The following XIAP variants were observed in gnomAD, a reference collection of about 807,000 sequenced individuals.
XIAP encodes the protein E3 ubiquitin-protein ligase XIAP.
XIAP carries 3 observed loss-of-function variants against 33.1 expected under a neutral mutation model. The observed-to-expected ratio is 0.09, with a 90% CI of 0.04 to 0.23. The LOEUF (loss-of-function observed/expected upper bound fraction) is 0.23. Among genes scored for constraint, XIAP ranks in the 10% least tolerant of loss-of-function variants. XIAP has a pLI of 1.00. For synonymous variants in XIAP, 98 were observed against 121.3 expected, an observed-to-expected ratio of 0.81 and a Z score of 1.26; for missense variants, 264 against 363.0, an observed-to-expected ratio of 0.73 and a Z score of 2.22.
Position 123,899,684 on chromosome X carries a change from T to C in XIAP, c.1100-809T>C, listed in dbSNP as rs186669033. 4.6e-5 allele frequency among the ~76,000 whole-genome samples: 5 copies of C among 109,441 alleles called. No homozygotes were observed. The East Asian group carries it at 1.4e-3, about 31-fold the overall frequency. On this transcript the variant is annotated intron_variant, in intron 5 of 6. Coordinates refer to ENST00000371199, the MANE Select transcript of XIAP (RefSeq NM_001167.4). Reference sequence around the variant, plus strand: ...TTATGATTATGTTTTGCTCATTATATCTATGAGATCCATCCATATTGTCTG... The same window carrying C: ...TTATGATTATGTTTTGCTCATTATACCTATGAGATCCATCCATATTGTCTG...
chrX:123,873,813 A>G (rs1490283817), intron 1 of XIAP: 1 of 109,108 alleles, frequency 9.2e-6, no homozygotes, highest in Non-Finnish European at 1.9e-5. Flanking sequence ...ACACGCCTGT[A>G]ATCCCAGCTA....
intron 1 of XIAP, among the ~76,000 whole-genome samples, chrX:123,868,557 C>T (rs978254984): frequency 2.7e-5 from 3 of 110,634 alleles, no homozygotes; most frequent in Non-Finnish European, 3.8e-5. Context: ...TGGTAAAATG[C>T]TATCTCTACT....
In XIAP at chrX:123,860,075, TC is replaced by T; in HGVS notation, c.-250del. On this transcript the variant is annotated 5_prime_UTR_variant, in exon 1 of 7. Transcript: ENST00000371199. Reference sequence around the variant, plus strand: ...TTTGAGGCCCTGACGTGGACACACTTCGGGTTTCACGACTCCGGGTTTCTCC... The same window carrying T: ...TTTGAGGCCCTGACGTGGACACACTTGGGTTTCACGACTCCGGGTTTCTCC... 1 of 329,396 alleles carries T rather than the reference TC, an allele frequency of 3.0e-6. No individual in the cohort carries two copies. The allele number at this position is 329,396 out of a possible 1,213,427, so 27.1% of individuals were successfully genotyped here.
chrX:123,895,410 T>A (rs2053450814), intron 5 of XIAP, among the ~76,000 whole-genome samples: 1 of 112,466 alleles, frequency 8.9e-6, no homozygotes, highest in Admixed American at 9.5e-5. Flanking sequence ...TATGAACATT[T>A]GTGCATAAGT....
In XIAP at chrX:123,909,461, C is replaced by T. The variant is rs778271242; in HGVS notation, c.*2280C>T. The T allele has an allele frequency of 3.1e-5, 10 of 319,609 alleles. No individual in the cohort carries two copies. Among genetic ancestry groups the T allele is most frequent in the Non-Finnish European group, 5.4e-5 (9 of 166,678 alleles). 26.3% of individuals were successfully genotyped at this position (319,609 alleles called of 1,213,427 possible). ...CTTAGTTTGGTTATATAGTCATTAA[C>T]TTGAATTTGGTCTGTATAGTCTAGA... On this transcript the variant is annotated 3_prime_UTR_variant, in exon 7 of 7. Transcript: ENST00000371199.
chrX:123,902,503 G>T (rs2053522960), intron 6 of XIAP, among the ~76,000 whole-genome samples: 1 of 111,812 alleles, frequency 8.9e-6, no homozygotes, highest in African/African-American at 3.2e-5. Flanking sequence ...GCAGGTGAGG[G>T]TTATTAGAGA....
chrX:123,880,616 A>C (rs1296074909), intron 1 of XIAP, among the ~76,000 whole-genome samples: 1 of 107,356 alleles, frequency 9.3e-6, no homozygotes, highest in African/African-American at 3.4e-5. Context: ...GGGCGCCTGT[A>C]ATCCCAGCTA....
chrX:123,908,866 G>A lies in XIAP; in HGVS notation c.*1685G>A, dbSNP rs1185372373. ...ATTCTCACAACAAACCTATTGTAGAGGTGAGTAAGGCATGTTACTACAGAG... is the reference window on the plus strand; with the variant it reads ...ATTCTCACAACAAACCTATTGTAGAAGTGAGTAAGGCATGTTACTACAGAG... On this transcript the variant is annotated 3_prime_UTR_variant, in exon 7 of 7. Transcript: ENST00000371199. The A allele has an allele frequency of 2.9e-6, 1 of 350,127 alleles. No individual in the cohort carries two copies. Among genetic ancestry groups the A allele is most frequent in the Admixed American group, 3.1e-5 (1 of 32,642 alleles). 28.9% of individuals were successfully genotyped at this position (350,127 alleles called of 1,213,427 possible).
At chrX:123,874,910 G>A (rs1486968296) in intron 1 of XIAP, among the ~76,000 whole-genome samples, 2 of 73,242 alleles carry the variant, frequency 2.7e-5, no homozygotes, top group Non-Finnish European at 4.8e-5. Context: ...CCTAGGTTTT[G>A]CCATGTTGGC....
At chrX:123,873,525 C>T (rs2053214282) in intron 1 of XIAP, among the ~76,000 whole-genome samples, 2 of 108,493 alleles carry the variant, frequency 1.8e-5, no homozygotes, top group South Asian at 4.1e-4. Context: ...CGGTGGCTCA[C>T]GCCTGTAATC....
chrX:123,876,948 G>A (rs1329528634), intron 1 of XIAP, among the ~76,000 whole-genome samples: 2 of 111,280 alleles, frequency 1.8e-5, no homozygotes, highest in Non-Finnish European at 3.8e-5. Context: ...GAGTACAAAA[G>A]CATTCCAATG....
At chrX:123,873,203 T>TTC (rs2053210810) in intron 1 of XIAP, among the ~76,000 whole-genome samples, 1 of 110,071 alleles carries the variant, frequency 9.1e-6, no homozygotes, top group South Asian at 3.9e-4. Flanking sequence ...CGGCTAATTT[T>TTC]GTATTTTTAC....
chrX:123,866,542 G>T (rs2053138983), intron 1 of XIAP, among the ~76,000 whole-genome samples: 1 of 69,870 alleles, frequency 1.4e-5, no homozygotes, highest in Admixed American at 1.7e-4. Flanking sequence ...TATATAATAT[G>T]TATATAATAA....
chrX:123,906,147 T>G (rs1234519190), intron 6 of XIAP, among the ~76,000 whole-genome samples: 1 of 112,911 alleles, frequency 8.9e-6, no homozygotes, highest in East Asian at 2.8e-4. Context: ...TTGTTATATG[T>G]GACCATGAAA....
intron 5 of XIAP, among the ~76,000 whole-genome samples, chrX:123,899,967 A>G (rs2053501647): frequency 8.9e-6 from 1 of 111,771 alleles, no homozygotes; most frequent in African/African-American, 3.2e-5. Flanking sequence ...TCCTACTTTA[A>G]GTATCATAAA....
chrX:123,886,412 C>T lies in XIAP; in HGVS notation c.750C>T (p.Phe250=), dbSNP rs1335120157. ...ATGCTGTGAGTTCTGATAGGAATTT[C>T]CCAAATTCAACAAATCTTCCAAGAA... is the stretch of plus-strand genomic sequence containing the variant. ...ESDAVSSDRN[F]PNSTNLPRNP... The change falls in exon 2 of 7, where the codon TTC becomes TTT. Residue 250 remains phenylalanine (F), a synonymous_variant. Coordinates refer to ENST00000371199, the MANE Select transcript of XIAP (RefSeq NM_001167.4). 4 of 1,211,591 alleles carry T rather than the reference C, an allele frequency of 3.3e-6. No homozygotes were observed.
intron 1 of XIAP, chrX:123,874,454 TC>T (rs777900480): frequency 8.1e-5 from 9 of 111,129 alleles, no homozygotes; most frequent in Non-Finnish European, 1.1e-4. Context: ...TAATACAACA[TC>T]ATGGTGCTCG....
At chrX:123,894,956 G>GTAAGTAAA (rs762956643) in intron 5 of XIAP, among the ~76,000 whole-genome samples, 215 of 105,733 alleles carry the variant, frequency 2.0e-3, no homozygotes, top group Middle Eastern at 0.014. Flanking sequence ...ACATAAATAA[G>GTAAGTAAA]TAAATAAATA....
rs372279154 is a variant in XIAP at position 123,903,389 on chromosome X, T to C, written c.1300+2696T>C. Among the ~76,000 whole-genome samples, 65 of 108,581 alleles carry C rather than the reference T, an allele frequency of 6.0e-4. 1 individual carries two copies. The East Asian group carries it at 0.016, about 27-fold the overall frequency. The allele number at this position is 108,581 out of a possible 115,157, so 94.3% of individuals were successfully genotyped here. On this transcript the variant is annotated intron_variant, in intron 6 of 6. Transcript: ENST00000371199. ...TTTTAGTAGAGACGGGGTTTCTCCA[T>C]GTTGGTCAGGCCGGTCTCCAACTTC... is the stretch of plus-strand genomic sequence containing the variant.
Sources: allele counts gnomAD v4.1 joint callset (sites outside exome capture counted in the v4.1 genomes callset), GRCh38; gene constraint gnomAD v4.1.1; transcripts MANE v1.5; gene names NCBI Gene and HGNC (gene_info 2026-07-23, HGNC 2026-07-21).